Variants in SUPT3H observed in about 807,000 individuals in gnomAD.
SUPT3H encodes the protein transcription initiation protein SPT3 homolog.
SUPT3H carries 44 observed loss-of-function variants against 44.3 expected under a neutral mutation model. That is an observed-to-expected ratio of 0.99 (90% confidence interval 0.78 to 1.28). The LOEUF is 1.28. SUPT3H is among the 50% of genes most tolerant of loss of function. The pLI is 0.00. For synonymous variants in SUPT3H, 124 were observed against 125.6 expected (o/e 0.99, Z 0.09); for missense variants, 380 against 387.1 (o/e 0.98, Z 0.15).
intron 6 of SUPT3H, among the ~76,000 whole-genome samples, chr6:44,988,807 T>C (rs1780193438): frequency 6.6e-6 from 1 of 152,078 alleles, no homozygotes; most frequent in African/African-American, 2.4e-5. Context: ...TAATATGAGA[T>C]TGTCTATTTC....
intron 2 of SUPT3H, among the ~76,000 whole-genome samples, chr6:45,106,212 A>C (rs137965764): frequency 1.7e-3 from 254 of 152,260 alleles, no homozygotes; most frequent in Admixed American, 3.1e-3. Flanking sequence ...CGGGAGGATC[A>C]CTTGAGCCCA....
chr6:45,158,287 TATA>T (rs1380262749), intron 2 of SUPT3H, among the ~76,000 whole-genome samples: 8 of 41,090 alleles, frequency 1.9e-4, no homozygotes, highest in East Asian at 1.5e-3. Flanking sequence ...TATATATATA[TATA>T]TATATATATT....
chr6:44,938,556 G>A (rs1295629218), intron 9 of SUPT3H, among the ~76,000 whole-genome samples: 2 of 151,948 alleles, frequency 1.3e-5, no homozygotes, highest in Non-Finnish European at 2.9e-5. Context: ...GCCTATTTGA[G>A]CACTTTTTTG....
intron 2 of SUPT3H, among the ~76,000 whole-genome samples, chr6:45,127,691 G>C (rs1195149929): frequency 1.3e-5 from 2 of 151,858 alleles, no homozygotes; most frequent in Non-Finnish European, 2.9e-5. Context: ...TCTATTGTCT[G>C]TTTTCTATCT....
chr6:45,217,917 A>C (rs1232554862), intron 2 of SUPT3H, among the ~76,000 whole-genome samples: 1 of 152,018 alleles, frequency 6.6e-6, no homozygotes, highest in Non-Finnish European at 1.5e-5. Flanking sequence ...AAACAAAAAA[A>C]CATATATATG....
chr6:44,889,869 A>C (rs1295607043), intron 10 of SUPT3H, among the ~76,000 whole-genome samples: 1 of 152,156 alleles, frequency 6.6e-6, no homozygotes. Context: ...CTTATCTGAC[A>C]AAGGGCTAAT....
intron 10 of SUPT3H, among the ~76,000 whole-genome samples, chr6:44,833,279 ATTGTCT>A (rs1375830227): frequency 3.3e-5 from 5 of 152,250 alleles, no homozygotes; most frequent in African/African-American, 1.2e-4. Context: ...TTTTGGTTCT[ATTGTCT>A]GAATTCCTAT....
intron 2 of SUPT3H, among the ~76,000 whole-genome samples, chr6:45,164,446 GAATTA>G (rs1250380672): frequency 4.6e-5 from 7 of 152,268 alleles, no homozygotes; most frequent in African/African-American, 1.7e-4. Context: ...TAACTACCAA[GAATTA>G]CAAAAATTGA....
intron 2 of SUPT3H, among the ~76,000 whole-genome samples, chr6:45,216,717 G>A (rs74745022): frequency 0.02 from 3,103 of 152,252 alleles, 43 homozygotes; most frequent in Non-Finnish European, 0.032. Flanking sequence ...AGGTCATTAC[G>A]TAATGATAAA....
chr6:45,206,343 G>A (rs1763220886), intron 2 of SUPT3H, among the ~76,000 whole-genome samples: 1 of 152,068 alleles, frequency 6.6e-6, no homozygotes, highest in African/African-American at 2.4e-5. Context: ...TCAATGATGA[G>A]GAGACCTTTA....
chr6:45,135,546 C>T (rs1365218683), intron 2 of SUPT3H, among the ~76,000 whole-genome samples: 2 of 152,124 alleles, frequency 1.3e-5, no homozygotes, highest in Admixed American at 1.3e-4. Context: ...TCTTAAATTC[C>T]GCCTCTTATG....
chr6:45,362,756 C>T (rs1236098895), intron 2 of SUPT3H, among the ~76,000 whole-genome samples: 4 of 152,134 alleles, frequency 2.6e-5, no homozygotes, highest in South Asian at 2.1e-4. Flanking sequence ...TTTTGCATTC[C>T]GAATTCAGCT....
intron 3 of SUPT3H, among the ~76,000 whole-genome samples, chr6:45,030,612 G>T (rs1203870227): frequency 1.3e-5 from 2 of 152,064 alleles, no homozygotes; most frequent in African/African-American, 2.4e-5. Flanking sequence ...CTGGATCAGG[G>T]TACTAAAAGC....
intron 2 of SUPT3H, among the ~76,000 whole-genome samples, chr6:45,121,214 T>C (rs946230521): frequency 1.9e-4 from 29 of 152,246 alleles, no homozygotes; most frequent in East Asian, 5.8e-4. Context: ...CTAGATCCTA[T>C]AGGAGTAAAA....
intron 2 of SUPT3H, among the ~76,000 whole-genome samples, chr6:45,142,519 C>G (rs1358918968): frequency 3.3e-5 from 5 of 151,770 alleles, no homozygotes; most frequent in Admixed American, 6.6e-5. Flanking sequence ...GGCAGATCAC[C>G]TGAGGTCAGG....
At chr6:45,246,285 A>AT (rs1771330448) in intron 2 of SUPT3H, among the ~76,000 whole-genome samples, 1 of 152,058 alleles carries the variant, frequency 6.6e-6, no homozygotes, top group Non-Finnish European at 1.5e-5. Flanking sequence ...ATGATGTCTA[A>AT]TTTTTTATTT....
intron 2 of SUPT3H, among the ~76,000 whole-genome samples, chr6:45,271,930 T>C (rs916841421): frequency 6.6e-6 from 1 of 152,192 alleles, no homozygotes; most frequent in Non-Finnish European, 1.5e-5. Flanking sequence ...GGAAATCATT[T>C]TGGAGCATTA....
chr6:45,282,501 A>C (rs902658111), intron 2 of SUPT3H, among the ~76,000 whole-genome samples: 2 of 152,206 alleles, frequency 1.3e-5, no homozygotes, highest in African/African-American at 4.8e-5. Flanking sequence ...GGAAGATCAA[A>C]TGAATGAAAT....
Position 44,826,787 on chromosome 6 carries a change from A to G in SUPT3H, c.*3029T>C, listed in dbSNP as rs537926060. On this transcript the variant is annotated 3_prime_UTR_variant, in exon 11 of 11. Transcript: ENST00000371459. ...TTGTCTTCTACATGGTAAAAGCATC[A>G]GACATGGCTTGTTTATTATTTTATA... is the stretch of plus-strand genomic sequence containing the variant. 5.9e-5 allele frequency among the ~76,000 whole-genome samples: 9 copies of G among 152,286 alleles called. No individual in the cohort carries two copies. The highest frequency in any genetic ancestry group is 1.2e-4 in the African/African-American group (5 of 41,580).
Sources: gnomAD v4.1 joint callset for allele counts (sites outside exome capture counted in the v4.1 genomes callset) on GRCh38, gnomAD v4.1.1 for gene constraint, MANE v1.5 for transcripts, NCBI Gene and HGNC (gene_info 2026-07-23, HGNC 2026-07-21) for gene names.